The following AGAP1 variants were observed in gnomAD, a reference collection of about 807,000 sequenced individuals.
The protein encoded by AGAP1 is arf-GAP with GTPase, ANK repeat and PH domain-containing protein 1.
A neutral mutation model predicts 105.3 loss-of-function variants in AGAP1; 29 were observed. The observed-to-expected ratio is 0.28, with a 90% CI of 0.21 to 0.38. The LOEUF (loss-of-function observed/expected upper bound fraction) is 0.38. Ranked by LOEUF, AGAP1 falls within the 10% of genes least tolerant of loss-of-function variation. The pLI, the probability that AGAP1 is intolerant of heterozygous loss-of-function variation, is 1.00. For synonymous variants in AGAP1, 509 were observed against 485.9 expected (o/e 1.05, Z -0.63); for missense variants, 998 against 1,165.1 (o/e 0.86, Z 2.09).
In AGAP1 at chr2:235,747,997, C is replaced by T. The variant is rs1222660292; in HGVS notation, c.539-2357C>T. Among the ~76,000 whole-genome samples the T allele has an allele frequency of 1.3e-5, 2 of 152,214 alleles. No individual in the cohort carries two copies. The highest frequency in any genetic ancestry group is 4.1e-4 in the South Asian group (2 of 4,830). On this transcript the variant is annotated intron_variant, in intron 5 of 17. Coordinates refer to ENST00000304032, the MANE Select transcript of AGAP1 (RefSeq NM_001037131.3). This position sits in a 1 kb window ranked among gnomAD's most constrained non-coding sequence, Gnocchi z 5.0. ...CTTTCTGGGCAGTAGCCAAGGACTGCACGAATGTTCATAATTGGGCAAGAT... is the reference window on the plus strand; with the variant it reads ...CTTTCTGGGCAGTAGCCAAGGACTGTACGAATGTTCATAATTGGGCAAGAT...
intron 6 of AGAP1, among the ~76,000 whole-genome samples, chr2:235,781,194 A>C (rs1014273472): frequency 6.6e-6 from 1 of 152,136 alleles, no homozygotes; most frequent in Non-Finnish European, 1.5e-5. Context: ...GTCTTGTGAA[A>C]ATGTCTAAAT....
At position 235,690,292 on chromosome 2, in the gene AGAP1, C is replaced by A. The variant is rs1229794592; in HGVS notation, c.164-18887C>A. Among the ~76,000 whole-genome samples the A allele has an allele frequency of 6.6e-6, 1 of 151,912 alleles. No homozygotes were observed. The highest frequency in any genetic ancestry group is 1.5e-5 in the Non-Finnish European group (1 of 67,992). On this transcript the variant is annotated intron_variant, in intron 1 of 17. Transcript: ENST00000304032. The surrounding 1 kb of genome is among the most constrained non-coding windows in gnomAD (Gnocchi z 4.1). ...CTCTGACCCTCCCTCCGCACCCCACCCTTTAAAGGTGAAAGCAGCAGGTGG... is the reference window on the plus strand; with the variant it reads ...CTCTGACCCTCCCTCCGCACCCCACACTTTAAAGGTGAAAGCAGCAGGTGG...
chr2:235,658,056 C>G (rs992642095), intron 1 of AGAP1, among the ~76,000 whole-genome samples: 13 of 152,190 alleles, frequency 8.5e-5, no homozygotes, highest in Admixed American at 4.6e-4. Flanking sequence ...TTAAACCACA[C>G]AGCCCGTGGT....
chr2:236,122,152 C>T (rs149517378), intron 17 of AGAP1, among the ~76,000 whole-genome samples: 1 of 152,180 alleles, frequency 6.6e-6, no homozygotes, highest in Admixed American at 6.5e-5. Flanking sequence ...ACGTTCTTAC[C>T]ATATTGCCCA....
Position 235,900,491 on chromosome 2 carries a change from G to T in AGAP1, c.1156-8247G>T, listed in dbSNP as rs1388892951. Reference sequence around the variant, plus strand: ...CAAAAATTTTGCTAGTGGGTCACTAGGGGTGATGGTGAGTGGTGCCACTTC... The same window carrying T: ...CAAAAATTTTGCTAGTGGGTCACTATGGGTGATGGTGAGTGGTGCCACTTC... On this transcript the variant is annotated intron_variant, in intron 10 of 17. Coordinates refer to ENST00000304032, the MANE Select transcript of AGAP1 (RefSeq NM_001037131.3). The surrounding 1 kb of genome is among the most constrained non-coding windows in gnomAD (Gnocchi z 5.5). Among the ~76,000 whole-genome samples the T allele has an allele frequency of 6.6e-6, 1 of 152,092 alleles. No individual in the cohort carries two copies. The highest frequency in any genetic ancestry group is 1.5e-5 in the Non-Finnish European group (1 of 68,016).
intron 13 of AGAP1, among the ~76,000 whole-genome samples, chr2:236,023,522 T>C (rs1465756510): frequency 1.3e-5 from 2 of 152,122 alleles, no homozygotes; most frequent in Non-Finnish European, 2.9e-5. Flanking sequence ...GGTGGTAATG[T>C]GTTCACCACG....
In AGAP1 at chr2:236,046,212, C is replaced by T. The variant is rs933544241; in HGVS notation, c.1892-2847C>T. On this transcript the variant is annotated intron_variant, in intron 15 of 17. Coordinates refer to ENST00000304032, the MANE Select transcript of AGAP1 (RefSeq NM_001037131.3). This position sits in a 1 kb window ranked among gnomAD's most constrained non-coding sequence, Gnocchi z 5.2. ...TGAGTGGAGACAGTGTGTCAGAGCA[C>T]TCCCCACAGCACTCGGTGATGGGCT... 6.6e-6 allele frequency among the ~76,000 whole-genome samples: 1 copy of T among 152,152 alleles called. No homozygotes were observed. Among genetic ancestry groups the T allele is most frequent in the African/African-American group, 2.4e-5 (1 of 41,438 alleles).
chr2:235,618,919 A>G (rs1188491320), intron 1 of AGAP1, among the ~76,000 whole-genome samples: 2 of 152,196 alleles, frequency 1.3e-5, no homozygotes, highest in African/African-American at 4.8e-5. Context: ...TGGATCTGTC[A>G]TAATCACAGG....
rs985498072 is a variant in AGAP1 at position 235,877,803 on chromosome 2, C to G, written c.1051-5542C>G. Reference sequence around the variant, plus strand: ...GGATCTTGTTACATTTGGATTGATCCCTCCCCCTCTTGGGTACACCCAACC... The same window carrying G: ...GGATCTTGTTACATTTGGATTGATCGCTCCCCCTCTTGGGTACACCCAACC... On this transcript the variant is annotated intron_variant, in intron 9 of 17. Coordinates refer to ENST00000304032, the MANE Select transcript of AGAP1 (RefSeq NM_001037131.3). The surrounding 1 kb of genome is among the most constrained non-coding windows in gnomAD (Gnocchi z 4.3). 6.6e-6 allele frequency among the ~76,000 whole-genome samples: 1 copy of G among 152,156 alleles called. No individual in the cohort carries two copies. The highest frequency in any genetic ancestry group is 1.5e-5 in the Non-Finnish European group (1 of 68,034).
At position 235,692,269 on chromosome 2, in the gene AGAP1, G is replaced by A. The variant is rs533753451; in HGVS notation, c.164-16910G>A. ...GCCTTGCACCTGTTCCTCTGGCCTC[G>A]CCTCTGTAACAGAACGTGGCCCCTG... On this transcript the variant is annotated intron_variant, in intron 1 of 17. Transcript: ENST00000304032. This position sits in a 1 kb window ranked among gnomAD's most constrained non-coding sequence, Gnocchi z 5.8. Among the ~76,000 whole-genome samples the A allele has an allele frequency of 3.9e-5, 6 of 152,172 alleles. No individual in the cohort carries two copies. Among genetic ancestry groups the A allele is most frequent in the African/African-American group, 9.6e-5 (4 of 41,522 alleles).
chr2:235,871,165 C>T (rs1434775835), intron 9 of AGAP1, among the ~76,000 whole-genome samples: 1 of 152,210 alleles, frequency 6.6e-6, no homozygotes, highest in African/African-American at 2.4e-5. Flanking sequence ...GATCTTAGTT[C>T]TGATGCCAGT....
intron 1 of AGAP1, among the ~76,000 whole-genome samples, chr2:235,648,727 A>C (rs1575038236): frequency 6.6e-6 from 1 of 151,642 alleles, no homozygotes; most frequent in African/African-American, 2.4e-5. Context: ...AAAAAAAAAA[A>C]AAAAAAAACA....
At chr2:235,646,603 G>C (rs4663611) in intron 1 of AGAP1, among the ~76,000 whole-genome samples, 111,538 of 152,172 alleles carry the variant, frequency 0.73, 41,106 homozygotes, top group African/African-American at 0.81. Flanking sequence ...TTCCTGTGTT[G>C]GTGTGTCGCT....
Position 235,889,369 on chromosome 2 carries a change from C to T in AGAP1, c.1155+5920C>T, listed in dbSNP as rs1053619958. On this transcript the variant is annotated intron_variant, in intron 10 of 17. Coordinates refer to ENST00000304032, the MANE Select transcript of AGAP1 (RefSeq NM_001037131.3). The surrounding 1 kb of genome is among the most constrained non-coding windows in gnomAD (Gnocchi z 4.6). Reference sequence around the variant, plus strand: ...ATGGGTCGGCTGCCTGGGAACCTCACGAATACTGATCCCCAGGGACTGCGT... The same window carrying T: ...ATGGGTCGGCTGCCTGGGAACCTCATGAATACTGATCCCCAGGGACTGCGT... 6.6e-6 allele frequency among the ~76,000 whole-genome samples: 1 copy of T among 152,084 alleles called. No individual in the cohort carries two copies. Among genetic ancestry groups the T allele is most frequent in the East Asian group, 1.9e-4 (1 of 5,178 alleles).
intron 9 of AGAP1, among the ~76,000 whole-genome samples, chr2:235,833,598 C>T (rs1959725947): frequency 6.6e-6 from 1 of 151,518 alleles, no homozygotes; most frequent in Non-Finnish European, 1.5e-5. Flanking sequence ...TCCTGGCTTC[C>T]ATGTGGGTAG....
chr2:235,542,292 A>AAGGGCC (rs1056854902), intron 1 of AGAP1, among the ~76,000 whole-genome samples: 2 of 152,186 alleles, frequency 1.3e-5, no homozygotes, highest in African/African-American at 2.4e-5. Flanking sequence ...TCCTGAGCAT[A>AAGGGCC]AGGGCCAGGG....
At position 235,964,613 on chromosome 2, in the gene AGAP1, C is replaced by T. The variant is rs373647564; in HGVS notation, c.1484-3849C>T. On this transcript the variant is annotated intron_variant, in intron 12 of 17. Coordinates refer to ENST00000304032, the MANE Select transcript of AGAP1 (RefSeq NM_001037131.3). This position sits in a 1 kb window ranked among gnomAD's most constrained non-coding sequence, Gnocchi z 4.6. ...GTCTCTGGATGCCCCACCCCCTGAACGTTATGAGGCTTCTGAACACTGTTA... is the reference window on the plus strand; with the variant it reads ...GTCTCTGGATGCCCCACCCCCTGAATGTTATGAGGCTTCTGAACACTGTTA... Among the ~76,000 whole-genome samples the T allele has an allele frequency of 5.3e-4, 81 of 152,220 alleles. No individual in the cohort carries two copies. Among genetic ancestry groups the T allele is most frequent in the African/African-American group, 1.9e-3 (78 of 41,538 alleles).
intron 1 of AGAP1, among the ~76,000 whole-genome samples, chr2:235,528,061 T>G (rs1942908695): frequency 6.6e-6 from 1 of 152,228 alleles, no homozygotes; most frequent in African/African-American, 2.4e-5. Flanking sequence ...CATGATAACC[T>G]CATTAGGCTC....
rs1039609418 is a variant in AGAP1, at chr2:235,965,036, C to T, written c.1484-3426C>T. On this transcript the variant is annotated intron_variant, in intron 12 of 17. Coordinates refer to ENST00000304032, the MANE Select transcript of AGAP1 (RefSeq NM_001037131.3). This position sits in a 1 kb window ranked among gnomAD's most constrained non-coding sequence, Gnocchi z 5.8. ...CACAACCAAACTGTCATAGTGCAGG[C>T]TCAGGGGGTCTCAGGACTGCTGGCT... Among the ~76,000 whole-genome samples, 7 of 152,210 alleles carry T rather than the reference C, an allele frequency of 4.6e-5. No homozygotes were observed. The highest frequency in any genetic ancestry group is 1.7e-4 in the African/African-American group (7 of 41,444).
Sources: allele counts gnomAD v4.1 joint callset (sites outside exome capture counted in the v4.1 genomes callset), GRCh38; gene constraint gnomAD v4.1.1; non-coding constraint Gnocchi (gnomAD v3.1); transcripts MANE v1.5; gene names NCBI Gene and HGNC (gene_info 2026-07-23, HGNC 2026-07-21).